COL15A1: variants seen among roughly 807,000 people sequenced by gnomAD.
The protein encoded by COL15A1 is collagen alpha-1(XV) chain.
COL15A1 carries 111 observed loss-of-function variants against 165.9 expected under a neutral mutation model. The ratio of observed to expected loss-of-function variants is 0.67; its 90% CI spans 0.57 to 0.78. The LOEUF (loss-of-function observed/expected upper bound fraction) is 0.78, where lower values mean the gene tolerates loss of function less well. Ranked by LOEUF, COL15A1 falls within the 30% of genes least tolerant of loss-of-function variation. The pLI, the probability that COL15A1 is intolerant of heterozygous loss-of-function variation, is 0.00. For missense variants in COL15A1, 1,745 were observed against 1,789.7 expected (o/e 0.98, Z 0.45); for synonymous variants, 659 against 674.8 (o/e 0.98, Z 0.36).
At chr9:99,066,860 T>A (rs781016137) in intron 39 of COL15A1, 22 bp from the exon 40 acceptor site, 2 of 1,602,098 alleles carry the variant, frequency 1.2e-6, no homozygotes, top group South Asian at 2.2e-5. Flanking sequence ...CTGACTGCTC[T>A]CTTTTGTCTC....
chr9:99,036,391 T>C lies in COL15A1; in HGVS notation c.2404T>C (p.Ser802Pro). The change falls in exon 21 of 42, where the codon TCT becomes CCT. Residue 802 changes from serine (S) to proline (P), a missense_variant. Physicochemically the swap from Ser to Pro is moderately conservative, Grantham distance 74. Coordinates refer to ENST00000375001, the MANE Select transcript of COL15A1 (RefSeq NM_001855.5). ...RGPPGHIKVL[S>P]NSLINITHGF... ...GCCACCTGGGCACATCAAGGTCTTG[T>C]CTAATGTGAGTATCATTCAGGTCAG... The C allele has an allele frequency of 6.2e-7, 1 of 1,614,186 alleles. No individual in the cohort carries two copies. The highest frequency in any genetic ancestry group is 8.5e-7 in the Non-Finnish European group (1 of 1,180,024).
Position 99,055,269 on chromosome 9 carries a change from A to G in COL15A1, c.3089A>G (p.Asn1030Ser). ...RHFLNNLKGE[N>S]GDKGFKGEKG... ...TGTGTTCTCTGCTTCCAGGGGGAGA[A>G]TGGAGACAAGGGGTTCAAAGGTGAA... The change falls in exon 34 of 42, where the codon AAT becomes AGT. Residue 1030 changes from asparagine to serine, a missense_variant. Transcript: ENST00000375001. The G allele has an allele frequency of 1.2e-6, 2 of 1,611,108 alleles. No individual in the cohort carries two copies. The highest frequency in any genetic ancestry group is 1.7e-6 in the Non-Finnish European group (2 of 1,177,304).
At chr9:99,068,175 G>A (rs1825925866) in intron 40 of COL15A1, among the ~76,000 whole-genome samples, 1 of 152,164 alleles carries the variant, frequency 6.6e-6, no homozygotes, top group Admixed American at 6.5e-5. Context: ...TGAAGAGCGA[G>A]TAAAAATCGG....
Position 99,049,771 on chromosome 9 carries a change from G to C in COL15A1, c.2862+13G>C, listed in dbSNP as rs113454924. The C allele has an allele frequency of 1.2e-6, 2 of 1,614,178 alleles. No individual in the cohort carries two copies. ...TAACATCAAAGGAGTAAGTTGGCAC[G>C]CAGTGGGAAGACCTTCCCGATTGGC... On this transcript the variant is annotated intron_variant, in intron 29 of 41. Transcript: ENST00000375001.
chr9:98,977,184 T>C (rs1391136858), intron 2 of COL15A1, among the ~76,000 whole-genome samples: 1 of 152,218 alleles, frequency 6.6e-6, no homozygotes, highest in East Asian at 1.9e-4. Flanking sequence ...AGAAGTATTA[T>C]TATCTGGGGA....
chr9:98,943,937 C>A lies in COL15A1; in HGVS notation c.-125C>A, dbSNP rs529746872. 219 of 1,291,026 alleles carry A rather than the reference C, an allele frequency of 1.7e-4. 7 individuals carry two copies. The South Asian group carries it at 3.5e-3, about 21-fold the overall frequency. 80.0% of individuals were successfully genotyped at this position (1,291,026 alleles called of 1,614,324 possible). A position where few individuals can be genotyped will look rare whatever the true frequency, so the allele number is the denominator to read the frequency against. ...GCCCGCCGCCGCCGCTGCCGAGCGCCGCCTTTGTTCCCTGCAGGAAGGGCG... is the reference window on the plus strand; with the variant it reads ...GCCCGCCGCCGCCGCTGCCGAGCGCAGCCTTTGTTCCCTGCAGGAAGGGCG... On this transcript the variant is annotated 5_prime_UTR_variant, in exon 1 of 42. Transcript: ENST00000375001.
In COL15A1 at chr9:99,047,767, G is replaced by A; in HGVS notation, c.2680-19G>A. ...AGACTTTCTGTTCTTTTCTAATCTG[G>A]CATTTGTTTTGCCTCTAGGGGCCCA... On this transcript the variant is annotated intron_variant, in intron 26 of 41. Transcript: ENST00000375001. 3 of 1,613,704 alleles carry A rather than the reference G, an allele frequency of 1.9e-6. No individual in the cohort carries two copies. Among genetic ancestry groups the A allele is most frequent in the Middle Eastern group, 1.7e-4 (1 of 6,040 alleles).
intron 7 of COL15A1, 22 bp from the exon 8 acceptor site, chr9:99,003,431 C>T (rs1233742061): frequency 6.8e-7 from 1 of 1,467,460 alleles, no homozygotes; most frequent in African/African-American, 1.4e-5. Flanking sequence ...GACATGGTCT[C>T]TTGTGATGCC....
intron 17 of COL15A1, 32 bp from the exon 18 acceptor site, chr9:99,034,982 G>A (rs1392729347): frequency 1.3e-6 from 2 of 1,596,942 alleles, no homozygotes; most frequent in East Asian, 2.2e-5. Context: ...TGAACCCAGG[G>A]CTAGATAATC....
At chr9:99,051,718 C>T (rs1839591961) in intron 30 of COL15A1, among the ~76,000 whole-genome samples, 1 of 152,146 alleles carries the variant, frequency 6.6e-6, no homozygotes, top group East Asian at 1.9e-4. Flanking sequence ...GATTTTGGCA[C>T]CATACGGATG....
intron 2 of COL15A1, among the ~76,000 whole-genome samples, chr9:98,959,683 C>T (rs2118792837): frequency 6.6e-6 from 1 of 152,312 alleles, no homozygotes. Flanking sequence ...TGGCTTCAGG[C>T]CTGTGTTACC....
intron 12 of COL15A1, 142 bp downstream of exon 12, chr9:99,020,584 T>C (rs572979632): frequency 1.6e-6 from 1 of 640,598 alleles, no homozygotes. Context: ...AATGGACTTG[T>C]AGGTCTGGGA....
intron 16 of COL15A1, 113 bp from the exon 17 acceptor site, chr9:99,034,436 A>C: frequency 6.9e-7 from 1 of 1,449,828 alleles, no homozygotes; most frequent in Non-Finnish European, 9.2e-7. Flanking sequence ...AGACAGAAAG[A>C]GTCCTATTTT....
intron 2 of COL15A1, among the ~76,000 whole-genome samples, chr9:98,958,081 G>A (rs1236679553): frequency 1.3e-5 from 2 of 152,246 alleles, no homozygotes; most frequent in African/African-American, 2.4e-5. Flanking sequence ...AGGAGCCCAT[G>A]ACATGCCGGA....
intron 11 of COL15A1, 75 bp downstream of exon 11, chr9:99,016,194 A>C (rs551277890): frequency 1.9e-5 from 29 of 1,490,382 alleles, no homozygotes; most frequent in Non-Finnish European, 2.5e-5. Context: ...GAGTTGTGGG[A>C]AGGGCTGGCC....
At chr9:98,982,711 G>A (rs1244516265) in intron 2 of COL15A1, among the ~76,000 whole-genome samples, 4 of 151,848 alleles carry the variant, frequency 2.6e-5, no homozygotes, top group Non-Finnish European at 5.9e-5. Flanking sequence ...GCATGATCAT[G>A]GCTCACTGCA....
At chr9:99,064,561 C>T (rs1825865857) in intron 39 of COL15A1, among the ~76,000 whole-genome samples, 1 of 152,108 alleles carries the variant, frequency 6.6e-6, no homozygotes, top group Non-Finnish European at 1.5e-5. Context: ...AGAATCTATA[C>T]AGTCAGAAGG....
chr9:98,980,093 G>A (rs1838211338), intron 2 of COL15A1, among the ~76,000 whole-genome samples: 1 of 152,084 alleles, frequency 6.6e-6, no homozygotes, highest in African/African-American at 2.4e-5. Flanking sequence ...CTGGGAGGTG[G>A]AGGCTGCAGT....
At chr9:99,011,741 C>T (rs1032030963) in intron 9 of COL15A1, among the ~76,000 whole-genome samples, 1 of 151,932 alleles carries the variant, frequency 6.6e-6, no homozygotes, top group African/African-American at 2.4e-5. Flanking sequence ...AATTATGACA[C>T]ATTTGTCTAT....
Sources: allele counts gnomAD v4.1 joint callset (sites outside exome capture counted in the v4.1 genomes callset), GRCh38; gene constraint gnomAD v4.1.1; transcripts MANE v1.5; gene names NCBI Gene and HGNC (gene_info 2026-07-23, HGNC 2026-07-21).